Variants in DIXDC1 observed in about 807,000 individuals in gnomAD.
The protein encoded by DIXDC1 is DIX domain containing 1.
DIXDC1 carries 64 observed loss-of-function variants against 103.1 expected under a neutral mutation model. That is an observed-to-expected ratio of 0.62 (90% CI 0.51 to 0.76). The LOEUF is 0.76. Ranked by LOEUF, DIXDC1 falls within the 30% of genes least tolerant of loss-of-function variation. DIXDC1 has a pLI of 0.00. For synonymous variants in DIXDC1, 266 were observed against 298.5 expected, an observed-to-expected ratio of 0.89 and a Z score of 1.12; for missense variants, 759 against 834.2, an observed-to-expected ratio of 0.91 and a Z score of 1.11.
chr11:111,968,513 CAGGAGAAA>C lies in DIXDC1; in HGVS notation c.194_201del (p.Gly65AlafsTer10). 1 of 1,612,536 alleles carries C rather than the reference CAGGAGAAA, an allele frequency of 6.2e-7. No homozygotes were observed. Among genetic ancestry groups the C allele is most frequent in the Non-Finnish European group, 8.5e-7 (1 of 1,179,204 alleles). ...TCCTATATTTTCTCTCTCCTAACAG[CAGGAGAAA>C]AGCTGAGTGGGGTACAGCTGAGTCC... On this transcript the variant is annotated frameshift_variant and splice_region_variant, in exon 3 of 20. Coordinates refer to ENST00000440460, the MANE Select transcript of DIXDC1 (RefSeq NM_001037954.4). LOFTEE classifies it high-confidence loss of function.
At position 111,996,120 on chromosome 11, in the gene DIXDC1, A is replaced by G. The variant is rs1452600086; in HGVS notation, c.1730A>G (p.Tyr577Cys). The G allele has an allele frequency of 3.1e-6, 5 of 1,613,648 alleles. No individual in the cohort carries two copies. The highest frequency in any genetic ancestry group is 2.7e-5 in the African/African-American group (2 of 74,904). ...CCCAGAACTCAAGTAGGTAGTGAAT[A>G]CCGGGAGTCCTGGCCCCCTAACTCA... is the stretch of plus-strand genomic sequence containing the variant. ...KSPRTQVGSE[Y>C]RESWPPNSKL... Residue 577 changes from tyrosine to cysteine, a missense_variant, in exon 17 of 20, where the codon TAC becomes TGC. Around this residue, in one of 3 missense-constraint regions of DIXDC1, gnomAD observed 657 missense variants for 727.5 expected, o/e 0.90. Coordinates refer to ENST00000440460, the MANE Select transcript of DIXDC1 (RefSeq NM_001037954.4).
intron 2 of DIXDC1, among the ~76,000 whole-genome samples, chr11:111,966,617 A>G (rs1164967472): frequency 2.0e-5 from 3 of 151,952 alleles, no homozygotes; most frequent in Non-Finnish European, 4.4e-5. Context: ...GTTGGCCAGG[A>G]TGGTCTCGAT....
rs1429131458 is a variant in DIXDC1 at position 111,973,466 on chromosome 11, C to T, written c.317-557C>T. 2.0e-5 allele frequency among the ~76,000 whole-genome samples: 3 copies of T among 152,056 alleles called. No homozygotes were observed. In the South Asian group the frequency reaches 6.2e-4, roughly 32 times the overall value. ...TCATGCAATCAATATAAAAAGTTAT[C>T]GAGATATTTTGCATTTTGGGGGCAT... On this transcript the variant is annotated intron_variant, in intron 3 of 19. Transcript: ENST00000440460.
intron 17 of DIXDC1, among the ~76,000 whole-genome samples, chr11:112,012,373 T>C (rs73561935): frequency 0.025 from 3,800 of 152,310 alleles, 163 homozygotes; most frequent in African/African-American, 0.087. Context: ...GGTAGATACA[T>C]AGATGAGTGG....
intron 1 of DIXDC1, among the ~76,000 whole-genome samples, chr11:111,964,295 A>T (rs1859658861): frequency 6.6e-6 from 1 of 152,244 alleles, no homozygotes; most frequent in Non-Finnish European, 1.5e-5. Context: ...TCATCTGCTT[A>T]TGTGTGTCTA....
At chr11:111,936,972 C>T (rs1966208854), upstream of DIXDC1, among the ~76,000 whole-genome samples, 1 of 149,726 alleles carries the variant, frequency 6.7e-6, no homozygotes, top group Non-Finnish European at 1.5e-5. Context: ...CCAGCCGGGC[C>T]GCCTGTTTGT....
rs781807973 is a variant in DIXDC1, at chr11:112,019,063, G to A, written c.*27G>A. The A allele has an allele frequency of 2.3e-5, 36 of 1,594,124 alleles. No individual in the cohort carries two copies. The highest frequency in any genetic ancestry group is 3.0e-5 in the Non-Finnish European group (35 of 1,163,250). ...GCCAAGTATCAGATTGAGGGCTTAT[G>A]GAACCTGGTCACTCCCTGGCTGCTT... On this transcript the variant is annotated 3_prime_UTR_variant, in exon 20 of 20. Coordinates refer to ENST00000440460, the MANE Select transcript of DIXDC1 (RefSeq NM_001037954.4).
At chr11:111,980,195 A>G (rs587651014) in intron 5 of DIXDC1, among the ~76,000 whole-genome samples, 27 of 152,298 alleles carry the variant, frequency 1.8e-4, no homozygotes, top group African/African-American at 6.0e-4. Flanking sequence ...CCCTCCAGCA[A>G]CTTTTCCCCT....
chr11:111,929,899 A>G lies in DIXDC1; in HGVS notation c.46A>G (p.Thr16Ala), dbSNP rs185405524. The G allele has an allele frequency of 2.7e-4, 414 of 1,536,084 alleles. 2 individuals are homozygous for G. In the Admixed American group the frequency reaches 3.9e-3, roughly 15 times the overall value. Residue 16 changes from threonine (T) to alanine (A), a missense_variant, in exon 2 of 6, where the codon ACA becomes GCA. Thr to Ala is a moderately conservative substitution (Grantham distance 58). Transcript: ENST00000529225. The stretch of plus-strand genomic sequence containing the variant: ...GAGATTCAATAACTCCTTGCTGCCA[A>G]CAGAGCCTTCTGTAAGTTTTTGGTG...
intron 17 of DIXDC1, 93 bp downstream of exon 17, chr11:111,996,239 T>G (rs1860895174): frequency 9.2e-7 from 1 of 1,081,716 alleles, no homozygotes; most frequent in Non-Finnish European, 1.3e-6. Context: ...GTAATTTTTC[T>G]TGTAGTACTT....
At chr11:112,012,695 G>A (rs782286794) in intron 17 of DIXDC1, among the ~76,000 whole-genome samples, 1 of 152,064 alleles carries the variant, frequency 6.6e-6, no homozygotes, top group African/African-American at 2.4e-5. Flanking sequence ...TTTTTTGTAC[G>A]TGTTTTTTAT....
intron 17 of DIXDC1, among the ~76,000 whole-genome samples, chr11:112,013,853 T>C (rs1369010593): frequency 6.6e-6 from 1 of 152,184 alleles, no homozygotes; most frequent in Non-Finnish European, 1.5e-5. Context: ...TGGCTCACAA[T>C]TCGGCTGGCT....
chr11:111,929,702 A>G, intron 1 of DIXDC1: 1 of 574,768 alleles, frequency 1.7e-6, no homozygotes, highest in Non-Finnish European at 3.0e-6. Context: ...ATACTTCAAG[A>G]TGACTTAAGT....
rs1263923547 is a variant in DIXDC1 at position 112,017,758 on chromosome 11, C to T, written c.1863-19C>T. 1.9e-6 allele frequency: 3 copies of T among 1,586,548 alleles called. No individual in the cohort carries two copies. The highest frequency in any genetic ancestry group is 1.7e-4 in the Middle Eastern group (1 of 5,990). ...TATTGATCAACAGTCTATTTTAGTG[C>T]TCTCTCCTTGTGTTGCAGGTTGGAG... On this transcript the variant is annotated intron_variant, in intron 18 of 19. Transcript: ENST00000440460. This position sits in a 1 kb window ranked among gnomAD's most constrained non-coding sequence, Gnocchi z 4.0.
At chr11:111,947,774 GCAAA>G (rs1966647869) in intron 1 of DIXDC1, among the ~76,000 whole-genome samples, 1 of 152,216 alleles carries the variant, frequency 6.6e-6, no homozygotes, top group African/African-American at 2.4e-5. Context: ...ACGTCAGCAT[GCAAA>G]CATAGTGATG....
chr11:111,955,973 C>T (rs1566483055), intron 1 of DIXDC1, among the ~76,000 whole-genome samples: 1 of 139,892 alleles, frequency 7.1e-6, no homozygotes, highest in East Asian at 2.1e-4. Context: ...AAATGTGGTG[C>T]ATATATATAT....
intron 5 of DIXDC1, among the ~76,000 whole-genome samples, chr11:111,980,218 A>T (rs185981704): frequency 0.024 from 3,658 of 151,676 alleles, 63 homozygotes; most frequent in Non-Finnish European, 0.038. Flanking sequence ...AACCACCCCC[A>T]CCCTGTACTC....
At chr11:111,929,764 A>ACTCAAC in intron 1 of DIXDC1, 1 of 1,135,740 alleles carries the variant, frequency 8.8e-7, no homozygotes, top group Non-Finnish European at 1.2e-6. Context: ...TGAGCTTTAA[A>ACTCAAC]TTTTTTTTTT....
chr11:111,959,460 C>G (rs1208302149), intron 1 of DIXDC1, among the ~76,000 whole-genome samples: 1 of 152,228 alleles, frequency 6.6e-6, no homozygotes, highest in Non-Finnish European at 1.5e-5. Context: ...AGCTGCCCAC[C>G]CCACCACAGT....
Sources: gnomAD v4.1 joint callset for allele counts (sites outside exome capture counted in the v4.1 genomes callset) on GRCh38, gnomAD v4.1.1 for gene constraint, gnomAD v4.1.1 regional missense constraint, Gnocchi (gnomAD v3.1) non-coding constraint, MANE v1.5 for transcripts, NCBI Gene and HGNC (gene_info 2026-07-23, HGNC 2026-07-21) for gene names.